RAD52: variants seen among roughly 807,000 people sequenced by gnomAD.
The protein encoded by RAD52 is DNA repair protein RAD52 homolog.
Under a neutral mutation model 55.5 loss-of-function variants are expected in RAD52, and 47 were observed. The ratio of observed to expected loss-of-function variants is 0.85; its 90% CI spans 0.67 to 1.08. The LOEUF (loss-of-function observed/expected upper bound fraction) is 1.08, where lower values mean the gene tolerates loss of function less well. RAD52 is among the 50% of genes least tolerant of loss of function. RAD52 has a pLI of 0.00. For missense variants in RAD52, 468 were observed against 522.8 expected, an observed-to-expected ratio of 0.90 and a Z score of 1.02; for synonymous variants, 184 against 198.9, an observed-to-expected ratio of 0.92 and a Z score of 0.63.
upstream of RAD52, among the ~76,000 whole-genome samples, chr12:952,951 A>G (rs1231262610): frequency 2.7e-4 from 3 of 11,176 alleles, no homozygotes; most frequent in African/African-American, 4.7e-4. Flanking sequence ...GGGGAGGGGA[A>G]GGGGGAAGGG....
upstream of RAD52, among the ~76,000 whole-genome samples, chr12:950,270 C>T (rs990248449): frequency 2.0e-5 from 3 of 152,074 alleles, no homozygotes; most frequent in Non-Finnish European, 4.4e-5. Flanking sequence ...GGGCGAAGTC[C>T]CCTCTAGAAT....
At chr12:924,316 A>G (rs1956905063) in intron 7 of RAD52, among the ~76,000 whole-genome samples, 1 of 151,930 alleles carries the variant, frequency 6.6e-6, no homozygotes, top group African/African-American at 2.4e-5. Context: ...AGGCTGAGGC[A>G]GGAGCATCGC....
At chr12:916,210 G>A in intron 9 of RAD52, 134 bp downstream of exon 9, 1 of 1,469,258 alleles carries the variant, frequency 6.8e-7, no homozygotes, top group Non-Finnish European at 8.9e-7. Flanking sequence ...TCTCTCCTGC[G>A]TGTAGCTTGA....
intron 2 of RAD52, 125 bp downstream of exon 2, chr12:932,850 A>ACG: frequency 1.5e-6 from 1 of 670,390 alleles, no homozygotes; most frequent in Non-Finnish European, 2.7e-6. Flanking sequence ...GGTACTGCTC[A>ACG]CACACGTACT....
At chr12:929,705 T>C (rs894926122) in intron 5 of RAD52, 114 bp downstream of exon 5, 7 of 998,684 alleles carry the variant, frequency 7.0e-6, no homozygotes, top group Non-Finnish European at 9.7e-6. Flanking sequence ...GAACGCTGGC[T>C]GAGACACAAC....
intron 7 of RAD52, among the ~76,000 whole-genome samples, chr12:924,946 GA>G (rs1258096994): frequency 3.3e-5 from 4 of 121,782 alleles, no homozygotes; most frequent in East Asian, 5.1e-4. Flanking sequence ...CAAATGGTGT[GA>G]TTTTTTTTTT....
At chr12:964,263 A>T (rs1204581742) in intron 1 of RAD52, among the ~76,000 whole-genome samples, 1 of 152,122 alleles carries the variant, frequency 6.6e-6, no homozygotes, top group Admixed American at 6.6e-5. Flanking sequence ...GGGGGGAAAG[A>T]TGTTAAACAA....
intron 5 of RAD52, among the ~76,000 whole-genome samples, chr12:928,667 C>T (rs1201084320): frequency 3.3e-5 from 5 of 151,864 alleles, no homozygotes; most frequent in African/African-American, 9.7e-5. Flanking sequence ...GGCAAGATTT[C>T]ATATCTTTAA....
chr12:964,974 C>CCTTT (rs1466681943), intron 1 of RAD52, among the ~76,000 whole-genome samples: 1 of 151,232 alleles, frequency 6.6e-6, no homozygotes, highest in South Asian at 2.1e-4. Context: ...TGCCTTCCTT[C>CCTTT]CTTCCTTTTT....
At position 947,510 on chromosome 12, in the gene RAD52, A is replaced by G. The variant is rs573063628; in HGVS notation, c.-19+2092T>C. On this transcript the variant is annotated intron_variant, in intron 1 of 11. Transcript: ENST00000358495. ...TAAAAATACCAAAAATTAGCCTGGC[A>G]TAGTGGCATGCGCCTGTAAGCCCAG... Among the ~76,000 whole-genome samples the G allele has an allele frequency of 6.3e-4, 94 of 149,100 alleles. 1 individual carries two copies. The highest frequency in any genetic ancestry group is 2.3e-3 in the African/African-American group (91 of 40,380).
At chr12:938,485 C>G (rs936174868) in intron 1 of RAD52, among the ~76,000 whole-genome samples, 1 of 152,144 alleles carries the variant, frequency 6.6e-6, no homozygotes, top group Admixed American at 6.5e-5. Context: ...GAGTTCAAGA[C>G]CAGCCTGGCC....
chr12:972,358 T>C (rs1459687351), intron 1 of RAD52, among the ~76,000 whole-genome samples: 1 of 151,828 alleles, frequency 6.6e-6, no homozygotes, highest in Non-Finnish European at 1.5e-5. Context: ...CATGAGAAAA[T>C]GGCTGTTTCA....
intron 1 of RAD52, among the ~76,000 whole-genome samples, chr12:985,716 C>T (rs1271495250): frequency 6.6e-6 from 1 of 152,154 alleles, no homozygotes; most frequent in African/African-American, 2.4e-5. Context: ...GAGTCTTGCT[C>T]ATTGCAACCT....
intron 1 of RAD52, among the ~76,000 whole-genome samples, chr12:983,697 G>A (rs1959050115): frequency 6.6e-6 from 1 of 152,126 alleles, no homozygotes; most frequent in South Asian, 2.1e-4. Context: ...TGGGATTACA[G>A]GCATGAGCCA....
At position 949,590 on chromosome 12, in the gene RAD52, T is replaced by TC. The variant is rs11571383; in HGVS notation, c.-19+11dup. The TC allele has an allele frequency of 0.089, 13,547 of 152,042 alleles. 655 individuals carry two copies. Among genetic ancestry groups the TC allele is most frequent in the South Asian group, 0.11 (529 of 4,802 alleles). The allele number at this position is 152,042 out of a possible 1,614,324, so 9.4% of individuals were successfully genotyped here. A position where few individuals can be genotyped will look rare whatever the true frequency, so the allele number is the denominator to read the frequency against. On this transcript the variant is annotated intron_variant, in intron 1 of 11. Transcript: ENST00000358495. ...ACCACCCCGGGGGAAGCCGCTCTCCTCCCCCACTTACGCGCCTCGGGCAGC... is the reference window on the plus strand; with the variant it reads ...ACCACCCCGGGGGAAGCCGCTCTCCTCCCCCCACTTACGCGCCTCGGGCAGC...
At chr12:915,310 A>G (rs1447839203) in intron 9 of RAD52, among the ~76,000 whole-genome samples, 1 of 152,240 alleles carries the variant, frequency 6.6e-6, no homozygotes, top group Non-Finnish European at 1.5e-5. Flanking sequence ...ATAACTCAAC[A>G]GTAAGGATAT....
chr12:987,081 C>T (rs1255436625), intron 1 of RAD52, among the ~76,000 whole-genome samples: 1 of 152,138 alleles, frequency 6.6e-6, no homozygotes, highest in Non-Finnish European at 1.5e-5. Context: ...AGCAATTCTC[C>T]TGCCTCGGCC....
intron 7 of RAD52, among the ~76,000 whole-genome samples, chr12:919,077 G>A (rs191318910): frequency 1.3e-5 from 2 of 152,272 alleles, no homozygotes; most frequent in Admixed American, 1.3e-4. Context: ...AGGAAAGCAA[G>A]GCAGTGACTG....
At chr12:950,172 T>C (rs1400822507), upstream of RAD52, among the ~76,000 whole-genome samples, 1 of 152,170 alleles carries the variant, frequency 6.6e-6, no homozygotes, top group Non-Finnish European at 1.5e-5. Flanking sequence ...TCTCGCGGCC[T>C]CTCACCACCG....
Sources: gnomAD v4.1 joint callset for allele counts (sites outside exome capture counted in the v4.1 genomes callset) on GRCh38, gnomAD v4.1.1 for gene constraint, MANE v1.5 for transcripts, NCBI Gene and HGNC (gene_info 2026-07-23, HGNC 2026-07-21) for gene names.